Variants in UBE2G2 observed in about 807,000 individuals in gnomAD.
UBE2G2 encodes the protein ubiquitin-conjugating enzyme E2 G2.
In UBE2G2, 10 loss-of-function variants were observed where a neutral mutation model predicts 23.0. That is an observed-to-expected ratio of 0.43 (90% CI 0.27 to 0.74). The LOEUF is 0.74. Ranked by LOEUF, UBE2G2 falls within the 30% of genes least tolerant of loss-of-function variation. UBE2G2 has a pLI of 0.19. For missense variants in UBE2G2, 150 were observed against 218.3 expected (o/e 0.69, Z 1.97); for synonymous variants, 86 against 81.3 (o/e 1.06, Z -0.31).
intron 3 of UBE2G2, among the ~76,000 whole-genome samples, chr21:44,784,541 C>T (rs996788924): frequency 6.6e-6 from 1 of 152,148 alleles, no homozygotes; most frequent in Non-Finnish European, 1.5e-5. Context: ...TTTATTATCT[C>T]GGGTTTATTT....
At chr21:44,783,090 A>G (rs2082968913) in intron 3 of UBE2G2, among the ~76,000 whole-genome samples, 1 of 152,248 alleles carries the variant, frequency 6.6e-6, no homozygotes, top group South Asian at 2.1e-4. Context: ...CAACAAGAAA[A>G]CAACCGAATA....
intron 4 of UBE2G2, among the ~76,000 whole-genome samples, chr21:44,776,273 TA>T (rs1555960569): frequency 1.3e-5 from 2 of 152,210 alleles, no homozygotes; most frequent in Middle Eastern, 3.4e-3. Context: ...TAAATGACCT[TA>T]TTTTTTTCCT....
chr21:44,795,675 A>C (rs183899627), intron 1 of UBE2G2, among the ~76,000 whole-genome samples: 15 of 152,182 alleles, frequency 9.9e-5, no homozygotes, highest in African/African-American at 3.6e-4. Flanking sequence ...AACAAAAAAC[A>C]ACTGGCCACG....
intron 3 of UBE2G2, among the ~76,000 whole-genome samples, chr21:44,783,272 T>G (rs1383921803): frequency 2.0e-5 from 3 of 152,204 alleles, no homozygotes; most frequent in Non-Finnish European, 4.4e-5. Flanking sequence ...GCAGTGTTGG[T>G]GTGGAAGTGG....
At chr21:44,792,644 T>C (rs2083054785) in intron 1 of UBE2G2, among the ~76,000 whole-genome samples, 1 of 152,212 alleles carries the variant, frequency 6.6e-6, no homozygotes, top group African/African-American at 2.4e-5. Flanking sequence ...TCAGGTAGTA[T>C]CTTTATGGCA....
At chr21:44,780,305 A>AC (rs1555961166) in intron 3 of UBE2G2, among the ~76,000 whole-genome samples, 1 of 152,242 alleles carries the variant, frequency 6.6e-6, no homozygotes, top group Non-Finnish European at 1.5e-5. Context: ...ACCCCATGGA[A>AC]CATGCCTTCC....
At chr21:44,775,107 T>A (rs1359835095) in intron 4 of UBE2G2, 2 of 161,148 alleles carry the variant, frequency 1.2e-5, no homozygotes, top group Non-Finnish European at 2.7e-5. Context: ...GTTCCGCCAC[T>A]CCCAGGAGAA....
At position 44,781,325 on chromosome 21, in the gene UBE2G2, G is replaced by A. The variant is rs28668706; in HGVS notation, c.126-3908C>T. ...AGAGGGCACCCAGCAGGAAGGGCAT[G>A]AGGGCTCCCGGCATCTGAGCTTGGG... On this transcript the variant is annotated intron_variant, in intron 3 of 5. Transcript: ENST00000345496. Among the ~76,000 whole-genome samples the A allele has an allele frequency of 8.9e-3, 1,351 of 152,290 alleles. 19 individuals are homozygous for A. Among genetic ancestry groups the A allele is most frequent in the African/African-American group, 0.03 (1,261 of 41,556 alleles).
chr21:44,792,527 GA>G (rs2083054027), intron 1 of UBE2G2, among the ~76,000 whole-genome samples: 1 of 152,176 alleles, frequency 6.6e-6, no homozygotes, highest in African/African-American at 2.4e-5. Flanking sequence ...ACCGCCTTGA[GA>G]AGAGGTCTGT....
rs1555959949 is a variant in UBE2G2 at position 44,771,518 on chromosome 21, A to T, written c.386-29T>A. The T allele has an allele frequency of 6.2e-7, 1 of 1,603,098 alleles. No individual in the cohort carries two copies. Among genetic ancestry groups the T allele is most frequent in the African/African-American group, 1.3e-5 (1 of 74,830 alleles). On this transcript the variant is annotated intron_variant, in intron 5 of 5. Coordinates refer to ENST00000345496, the MANE Select transcript of UBE2G2 (RefSeq NM_003343.6). The surrounding 1 kb of genome is among the most constrained non-coding windows in gnomAD (Gnocchi z 4.6). ...AAAGAAAAGGGAACACCCTCCATGT[A>T]AAAGGGAGTCTTATACGTAAGCAGC...
At chr21:44,787,092 CA>C (rs11448217) in intron 3 of UBE2G2, among the ~76,000 whole-genome samples, 52,510 of 140,974 alleles carry the variant, frequency 0.37, 9,769 homozygotes, top group Non-Finnish European at 0.45. Flanking sequence ...AACTCCATCT[CA>C]AAAAAAAAAA....
chr21:44,778,880 G>A lies in UBE2G2; in HGVS notation c.126-1463C>T, dbSNP rs141955877. Among the ~76,000 whole-genome samples the A allele has an allele frequency of 4.5e-3, 680 of 152,298 alleles. 8 individuals are homozygous for A. Among genetic ancestry groups the A allele is most frequent in the African/African-American group, 0.016 (651 of 41,542 alleles). ...GTCGTGCAGGGGCCGAGGCCTGGATGAGCAGAGGACAGTCCACACCAGACC... is the reference window on the plus strand; with the variant it reads ...GTCGTGCAGGGGCCGAGGCCTGGATAAGCAGAGGACAGTCCACACCAGACC... On this transcript the variant is annotated intron_variant, in intron 3 of 5. Coordinates refer to ENST00000345496, the MANE Select transcript of UBE2G2 (RefSeq NM_003343.6).
chr21:44,777,472 C>A, intron 3 of UBE2G2, 55 bp from the exon 4 acceptor site: 1 of 1,538,736 alleles, frequency 6.5e-7, no homozygotes, highest in East Asian at 2.2e-5. Context: ...TCAACGTCGA[C>A]CACAATTGAC....
Position 44,785,254 on chromosome 21 carries a change from C to T in UBE2G2, c.125+2666G>A, listed in dbSNP as rs1400857086. On this transcript the variant is annotated intron_variant, in intron 3 of 5. Coordinates refer to ENST00000345496, the MANE Select transcript of UBE2G2 (RefSeq NM_003343.6). ...GGTGTGCCGCCATCCCAGCCACGCTCGATTTGATTGCAGGCTCAGACTCCA... is the reference window on the plus strand; with the variant it reads ...GGTGTGCCGCCATCCCAGCCACGCTTGATTTGATTGCAGGCTCAGACTCCA... Among the ~76,000 whole-genome samples the T allele has an allele frequency of 3.3e-5, 5 of 152,328 alleles. No homozygotes were observed. The East Asian group carries it at 5.8e-4, about 18-fold the overall frequency.
chr21:44,792,094 T>G (rs2083050432), intron 1 of UBE2G2, among the ~76,000 whole-genome samples: 1 of 152,270 alleles, frequency 6.6e-6, no homozygotes, highest in Non-Finnish European at 1.5e-5. Context: ...CCAATGCCTG[T>G]ATTTCCATTG....
chr21:44,788,368 C>A (rs2083016557), intron 1 of UBE2G2, among the ~76,000 whole-genome samples: 1 of 148,410 alleles, frequency 6.7e-6, no homozygotes, highest in South Asian at 2.1e-4. Context: ...CAGCTCACTG[C>A]AAGCTCCACC....
At chr21:44,781,205 G>A (rs538326985) in intron 3 of UBE2G2, among the ~76,000 whole-genome samples, 5 of 152,344 alleles carry the variant, frequency 3.3e-5, no homozygotes, top group African/African-American at 1.2e-4. Context: ...AAAAGCTGGA[G>A]CCAGCTGAGC....
chr21:44,777,199 T>C (rs2082919651), intron 4 of UBE2G2, 100 bp downstream of exon 4: 4 of 1,002,556 alleles, frequency 4.0e-6, no homozygotes, highest in Non-Finnish European at 6.1e-6. Context: ...TCTAAAGATC[T>C]ACATCATAGA....
chr21:44,775,928 C>T (rs571493311), intron 4 of UBE2G2, among the ~76,000 whole-genome samples: 28 of 152,312 alleles, frequency 1.8e-4, no homozygotes, highest in African/African-American at 5.8e-4. Flanking sequence ...AAAGAAGGCA[C>T]GCTTCTGAGC....
Sources: allele counts gnomAD v4.1 joint callset (sites outside exome capture counted in the v4.1 genomes callset), GRCh38; gene constraint gnomAD v4.1.1; non-coding constraint Gnocchi (gnomAD v3.1); transcripts MANE v1.5; gene names NCBI Gene and HGNC (gene_info 2026-07-23, HGNC 2026-07-21).